The following TRMT11 variants were observed in gnomAD, a reference collection of about 807,000 sequenced individuals.
The protein encoded by TRMT11 is tRNA methyltransferase 11.
Under a neutral mutation model 62.8 loss-of-function variants are expected in TRMT11, and 53 were observed. The ratio of observed to expected loss-of-function variants is 0.84; its 90% confidence interval spans 0.68 to 1.06. The LOEUF is 1.06. Among genes scored for constraint, TRMT11 ranks in the 50% least tolerant of loss-of-function variants. The pLI, the probability that TRMT11 is intolerant of heterozygous loss-of-function variation, is 0.00. For synonymous variants in TRMT11, 188 were observed against 190.3 expected (o/e 0.99, Z 0.10); for missense variants, 556 against 553.4 (o/e 1.00, Z -0.05).
intron 17 of TRMT11, among the ~76,000 whole-genome samples, chr6:126,088,330 A>C (rs887094343): frequency 6.6e-6 from 1 of 152,164 alleles, no homozygotes; most frequent in Non-Finnish European, 1.5e-5. Context: ...TCAAATTATA[A>C]GCTTATGCCA....
chr6:125,986,666 C>G, intron 1 of TRMT11, 44 bp downstream of exon 1: 2 of 1,539,544 alleles, frequency 1.3e-6, no homozygotes, highest in Non-Finnish European at 1.8e-6. Context: ...GAAGAGGACG[C>G]TGGAGTGGAG....
chr6:125,993,385 A>G (rs1406085160), intron 1 of TRMT11, among the ~76,000 whole-genome samples: 1 of 152,070 alleles, frequency 6.6e-6, no homozygotes, highest in Admixed American at 6.5e-5. Flanking sequence ...CTGGCTGATT[A>G]TTTTTTTCTT....
intron 11 of TRMT11, among the ~76,000 whole-genome samples, chr6:126,019,169 C>A (rs979725099): frequency 6.6e-6 from 1 of 152,170 alleles, no homozygotes; most frequent in Non-Finnish European, 1.5e-5. Flanking sequence ...CGTGAGCCAC[C>A]ACGCCCAGCT....
At chr6:126,200,910 C>G (rs1778728348) in intron 3 of TRMT11, among the ~76,000 whole-genome samples, 1 of 152,146 alleles carries the variant, frequency 6.6e-6, no homozygotes, top group African/African-American at 2.4e-5. Flanking sequence ...ATTTCTCTGA[C>G]TAGGAGAAGT....
Position 125,999,451 on chromosome 6 carries a change from A to G in TRMT11, c.523-6A>G, listed in dbSNP as rs936223964. 2.5e-6 allele frequency: 4 copies of G among 1,589,840 alleles called. No individual in the cohort carries two copies. Among genetic ancestry groups the G allele is most frequent in the Non-Finnish European group, 3.4e-6 (4 of 1,168,276 alleles). ...TATACTAACATAAGAAATATCTCTG[A>G]TTTAGATTGCAGATGGACAGAGAGA... On this transcript the variant is annotated splice_region_variant and splice_polypyrimidine_tract_variant and intron_variant, in intron 6 of 12. Coordinates refer to ENST00000334379, the MANE Select transcript of TRMT11 (RefSeq NM_001031712.3).
chr6:126,128,826 T>C (rs1476551939), intron 21 of TRMT11, among the ~76,000 whole-genome samples: 1 of 151,990 alleles, frequency 6.6e-6, no homozygotes, highest in African/African-American at 2.4e-5. Flanking sequence ...ATCATGACCA[T>C]TATATGAGAA....
intron 1 of TRMT11, among the ~76,000 whole-genome samples, chr6:125,992,235 T>G (rs1790743574): frequency 6.6e-6 from 1 of 152,198 alleles, no homozygotes; most frequent in South Asian, 2.1e-4. Flanking sequence ...CCATAAAACT[T>G]TAATCTTTCA....
At chr6:126,093,874 T>C (rs1777310936) in intron 17 of TRMT11, among the ~76,000 whole-genome samples, 1 of 151,874 alleles carries the variant, frequency 6.6e-6, no homozygotes, top group African/African-American at 2.4e-5. Flanking sequence ...CATTTCTAAA[T>C]ACTAGCAATG....
At chr6:126,142,693 A>G (rs1777929594) in intron 21 of TRMT11, among the ~76,000 whole-genome samples, 1 of 152,104 alleles carries the variant, frequency 6.6e-6, no homozygotes, top group Non-Finnish European at 1.5e-5. Flanking sequence ...TTTGTAAAGC[A>G]CTAGTAAGCT....
chr6:126,038,437 CAAAA>C (rs72178194), intron 12 of TRMT11, among the ~76,000 whole-genome samples: 14 of 129,236 alleles, frequency 1.1e-4, no homozygotes, highest in African/African-American at 1.2e-4. Flanking sequence ...TGCCCTGAGG[CAAAA>C]AAAAAAAAAA....
intron 7 of TRMT11, among the ~76,000 whole-genome samples, chr6:126,002,561 C>T (rs1792688139): frequency 6.6e-6 from 1 of 152,126 alleles, no homozygotes; most frequent in South Asian, 2.1e-4. Context: ...ACTGTGCCTG[C>T]TTTTTCCCTT....
At chr6:126,026,808 T>G (rs900547294) in intron 12 of TRMT11, among the ~76,000 whole-genome samples, 1 of 148,946 alleles carries the variant, frequency 6.7e-6, no homozygotes, top group Non-Finnish European at 1.5e-5. Flanking sequence ...TTGGGTTTTT[T>G]TTTTTTTTTT....
Position 126,152,269 on chromosome 6 carries a change from T to TAAAA in TRMT11, c.*1824-22542_*1824-22539dup, listed in dbSNP as rs398002786. 1.3e-4 allele frequency among the ~76,000 whole-genome samples: 17 copies of TAAAA among 134,576 alleles called. 1 individual carries two copies. The highest frequency in any genetic ancestry group is 2.4e-4 in the African/African-American group (9 of 37,646). The allele number at this position is 134,576 out of a possible 152,430, so 88.3% of individuals were successfully genotyped here. A position where few individuals can be genotyped will look rare whatever the true frequency, so the allele number is the denominator to read the frequency against. ...GATTCATGTGATGTCACCAAATGGC[T>TAAAA]AAAAAAAAAAAAAAAAATCAAACAT... On this transcript the variant is annotated intron_variant and NMD_transcript_variant, in intron 21 of 22. Coordinates refer to the TRMT11 transcript ENST00000648977.
chr6:126,189,978 A>G (rs988925756), intron 1 of TRMT11, among the ~76,000 whole-genome samples: 10 of 152,120 alleles, frequency 6.6e-5, no homozygotes, highest in African/African-American at 1.4e-4. Context: ...TTTCATACAT[A>G]TATACAATGA....
chr6:126,106,858 A>G (rs1167528673), intron 17 of TRMT11, among the ~76,000 whole-genome samples: 1 of 151,256 alleles, frequency 6.6e-6, no homozygotes, highest in Non-Finnish European at 1.5e-5. Flanking sequence ...TAATTGCCAC[A>G]GTTTTTACTT....
intron 1 of TRMT11, among the ~76,000 whole-genome samples, chr6:126,191,250 T>A (rs545020310): frequency 6.6e-6 from 1 of 152,168 alleles, no homozygotes; most frequent in Non-Finnish European, 1.5e-5. Context: ...TTTTGAGAAA[T>A]GTCTATTCAG....
At chr6:126,188,228 G>A (rs1047251565) in intron 1 of TRMT11, among the ~76,000 whole-genome samples, 3 of 151,884 alleles carry the variant, frequency 2.0e-5, no homozygotes, top group East Asian at 3.9e-4. Context: ...AAATATTCAC[G>A]ATGCTTATAT....
At chr6:126,180,645 G>C (rs963810090) in intron 1 of TRMT11, among the ~76,000 whole-genome samples, 7 of 152,312 alleles carry the variant, frequency 4.6e-5, no homozygotes, top group African/African-American at 1.7e-4. Flanking sequence ...ATACTTTTAA[G>C]ACAGTATTCA....
intron 17 of TRMT11, among the ~76,000 whole-genome samples, chr6:126,105,594 GT>G (rs1252090560): frequency 7.9e-4 from 111 of 140,710 alleles, no homozygotes; most frequent in East Asian, 1.6e-3. Flanking sequence ...CTTTAAGATT[GT>G]TTTTTTTTTT....
Sources: allele counts gnomAD v4.1 joint callset (sites outside exome capture counted in the v4.1 genomes callset), GRCh38; gene constraint gnomAD v4.1.1; transcripts MANE v1.5; gene names NCBI Gene and HGNC (gene_info 2026-07-23, HGNC 2026-07-21).